RPTOR: variants seen among roughly 807,000 people sequenced by gnomAD.
The protein encoded by RPTOR is regulatory associated protein of MTOR complex 1.
A neutral mutation model predicts 169.9 loss-of-function variants in RPTOR; 21 were observed. The observed-to-expected ratio is 0.12, with a 90% confidence interval of 0.09 to 0.18. The LOEUF (loss-of-function observed/expected upper bound fraction) is 0.18. Ranked by LOEUF, RPTOR falls within the 10% of genes least tolerant of loss-of-function variation. The pLI is 1.00. For missense variants in RPTOR, 1,133 were observed against 1,855.9 expected, an observed-to-expected ratio of 0.61 and a Z score of 7.16; for synonymous variants, 732 against 753.2, an observed-to-expected ratio of 0.97 and a Z score of 0.46.
intron 2 of RPTOR, among the ~76,000 whole-genome samples, chr17:80,634,118 C>CTG (rs67908395): frequency 1.1e-4 from 15 of 136,326 alleles, no homozygotes; most frequent in Middle Eastern, 3.8e-3. Flanking sequence ...TGTGTGCATA[C>CTG]TGTGTGTGTG....
At chr17:80,724,793 G>C (rs1168290505) in intron 4 of RPTOR, among the ~76,000 whole-genome samples, 2 of 152,200 alleles carry the variant, frequency 1.3e-5, no homozygotes, top group Non-Finnish European at 2.9e-5. Flanking sequence ...GCCTGGATCT[G>C]AGGAGGGGCC....
At chr17:80,791,022 A>C (rs1447452417) in intron 6 of RPTOR, among the ~76,000 whole-genome samples, 1 of 152,114 alleles carries the variant, frequency 6.6e-6, no homozygotes, top group African/African-American at 2.4e-5. Context: ...GATATAATTG[A>C]ATTTGCATTT....
At chr17:80,888,605 G>A (rs570952967) in intron 17 of RPTOR, among the ~76,000 whole-genome samples, 1 of 152,360 alleles carries the variant, frequency 6.6e-6, no homozygotes, top group African/African-American at 2.4e-5. Context: ...TGGGCCCCCA[G>A]CGGGGCAGGA....
At chr17:80,761,347 G>A (rs1392865271) in intron 6 of RPTOR, among the ~76,000 whole-genome samples, 1 of 152,170 alleles carries the variant, frequency 6.6e-6, no homozygotes, top group Non-Finnish European at 1.5e-5. Flanking sequence ...GGATTGAATA[G>A]AGGTCAAAAA....
intron 1 of RPTOR, among the ~76,000 whole-genome samples, chr17:80,581,097 C>T (rs529364521): frequency 1.3e-5 from 2 of 152,060 alleles, no homozygotes; most frequent in South Asian, 2.1e-4. Flanking sequence ...ATTTGGAAGG[C>T]GTGATTACTG....
At chr17:80,785,667 G>A (rs934296833) in intron 6 of RPTOR, among the ~76,000 whole-genome samples, 5 of 151,838 alleles carry the variant, frequency 3.3e-5, no homozygotes, top group African/African-American at 9.7e-5. Context: ...ATGTTTTGTG[G>A]CCCGAGTGCT....
In RPTOR at chr17:80,708,687, G is replaced by T. The variant is rs2066160980; in HGVS notation, c.507+688G>T. On this transcript the variant is annotated intron_variant, in intron 4 of 33. Coordinates refer to ENST00000306801, the MANE Select transcript of RPTOR (RefSeq NM_020761.3). This position sits in a 1 kb window ranked among gnomAD's most constrained non-coding sequence, Gnocchi z 4.2. ...GTCCCCACCCTCCAGGGTGTGGTGG[G>T]TGCTGACTGTCTCCCCATCCTCCAG... is the stretch of plus-strand genomic sequence containing the variant. 1.3e-5 allele frequency among the ~76,000 whole-genome samples: 2 copies of T among 151,582 alleles called. No homozygotes were observed. The highest frequency in any genetic ancestry group is 4.2e-4 in the South Asian group (2 of 4,800).
intron 21 of RPTOR, among the ~76,000 whole-genome samples, chr17:80,916,265 C>T (rs893818257): frequency 1.3e-5 from 2 of 152,346 alleles, no homozygotes; most frequent in African/African-American, 4.8e-5. Context: ...GATGCCATCT[C>T]TGGGGCTCTG....
intron 6 of RPTOR, among the ~76,000 whole-genome samples, chr17:80,757,817 C>T (rs560309179): frequency 3.3e-4 from 51 of 152,252 alleles, no homozygotes; most frequent in Admixed American, 2.7e-3. Context: ...TCCTTTCCCA[C>T]GGCCTCCTAT....
intron 12 of RPTOR, 106 bp downstream of exon 12, chr17:80,855,653 C>T (rs975796602): frequency 1.1e-5 from 10 of 874,572 alleles, no homozygotes; most frequent in Admixed American, 1.9e-5. Flanking sequence ...CACCCCCAGC[C>T]GTGAGACCCA....
intron 21 of RPTOR, among the ~76,000 whole-genome samples, chr17:80,914,255 G>A (rs2068645795): frequency 6.6e-6 from 1 of 152,206 alleles, no homozygotes; most frequent in African/African-American, 2.4e-5. Context: ...CTTCCAAACT[G>A]GCAGGGTGGG....
At chr17:80,654,572 C>T (rs2065665873) in intron 3 of RPTOR, among the ~76,000 whole-genome samples, 1 of 152,202 alleles carries the variant, frequency 6.6e-6, no homozygotes, top group African/African-American at 2.4e-5. Context: ...CATAGCAGAA[C>T]CGGGAGGATT....
intron 1 of RPTOR, among the ~76,000 whole-genome samples, chr17:80,616,065 C>A (rs760408455): frequency 6.6e-6 from 1 of 152,080 alleles, no homozygotes; most frequent in Non-Finnish European, 1.5e-5. Context: ...TGCCTGGGAG[C>A]CCTGCATATT....
chr17:80,783,693 G>T (rs1003580439), intron 6 of RPTOR, among the ~76,000 whole-genome samples: 1 of 152,216 alleles, frequency 6.6e-6, no homozygotes, highest in Non-Finnish European at 1.5e-5. Context: ...CAAGGCAGAT[G>T]GGATTGGCTC....
chr17:80,642,489 T>C (rs535024141), intron 2 of RPTOR, among the ~76,000 whole-genome samples: 19 of 152,244 alleles, frequency 1.2e-4, no homozygotes, highest in African/African-American at 4.6e-4. Context: ...TGAGTGTGGA[T>C]TCTTAAAAAA....
intron 13 of RPTOR, among the ~76,000 whole-genome samples, chr17:80,859,991 C>T (rs1165184437): frequency 6.6e-6 from 1 of 152,190 alleles, no homozygotes; most frequent in African/African-American, 2.4e-5. Flanking sequence ...AGCAAAGTCA[C>T]AGAGCAAGTA....
chr17:80,963,855 G>A (rs933523102), intron 33 of RPTOR, among the ~76,000 whole-genome samples: 2 of 150,172 alleles, frequency 1.3e-5, no homozygotes, highest in African/African-American at 5.0e-5. Flanking sequence ...GTGCGGCCGG[G>A]CCCCACCTGC....
intron 4 of RPTOR, among the ~76,000 whole-genome samples, chr17:80,718,115 G>C (rs2066255090): frequency 6.6e-6 from 1 of 152,150 alleles, no homozygotes; most frequent in Admixed American, 6.5e-5. Flanking sequence ...AAGCTACAAG[G>C]CTTTTCCCTG....
chr17:80,858,830 C>T (rs117863086), intron 13 of RPTOR, among the ~76,000 whole-genome samples: 3,913 of 152,312 alleles, frequency 0.026, 71 homozygotes, highest in Non-Finnish European at 0.042. Flanking sequence ...GCCCCATCCA[C>T]GCAGACGGTG....
Sources: allele counts gnomAD v4.1 joint callset (sites outside exome capture counted in the v4.1 genomes callset), GRCh38; gene constraint gnomAD v4.1.1; non-coding constraint Gnocchi (gnomAD v3.1); transcripts MANE v1.5; gene names NCBI Gene and HGNC (gene_info 2026-07-23, HGNC 2026-07-21).